The following PWWP3A variants were observed in gnomAD, a reference collection of about 807,000 sequenced individuals.
The protein encoded by PWWP3A is PWWP domain-containing DNA repair factor 3A.
Under a neutral mutation model 79.0 loss-of-function variants are expected in PWWP3A, and 53 were observed. That is an observed-to-expected ratio of 0.67 (90% CI 0.54 to 0.84). The LOEUF is 0.84. Among genes scored for constraint, PWWP3A ranks in the 40% least tolerant of loss-of-function variants. PWWP3A has a pLI of 0.00. For missense variants in PWWP3A, 973 were observed against 948.0 expected (o/e 1.03, Z -0.35); for synonymous variants, 443 against 394.4 (o/e 1.12, Z -1.46).
At chr19:1,376,283 G>T (rs1301396428) in intron 13 of PWWP3A, among the ~76,000 whole-genome samples, 1 of 135,250 alleles carries the variant, frequency 7.4e-6, no homozygotes, top group Non-Finnish European at 1.6e-5. Context: ...GCGCCACCAC[G>T]CCCGGCTGTT....
intron 1 of PWWP3A, among the ~76,000 whole-genome samples, chr19:1,355,521 G>T (rs1428053361): frequency 4.0e-5 from 4 of 99,696 alleles, no homozygotes; most frequent in African/African-American, 1.7e-4. Flanking sequence ...CTGCCACCTG[G>T]ACCCTCCGCT....
rs547881726 is a variant in PWWP3A, at chr19:1,359,939, C to T, written c.215-197C>T. The T allele has an allele frequency of 1.8e-5, 9 of 512,524 alleles. No individual in the cohort carries two copies. The South Asian group carries it at 2.3e-4, about 13-fold the overall frequency. The allele number at this position is 512,524 out of a possible 1,614,324, so 31.7% of individuals were successfully genotyped here. A position where few individuals can be genotyped will look rare whatever the true frequency, so the allele number is the denominator to read the frequency against. On this transcript the variant is annotated intron_variant, in intron 4 of 13. Coordinates refer to ENST00000591337, the MANE Select transcript of PWWP3A (RefSeq NM_001369789.1). ...TTTAAAAAAATGAAGCCTCGAATCCCGGAATGAATAGCTGTCGTTCTGTAG... is the reference window on the plus strand; with the variant it reads ...TTTAAAAAAATGAAGCCTCGAATCCTGGAATGAATAGCTGTCGTTCTGTAG...
intron 2 of PWWP3A, 36 bp from the exon 3 acceptor site, chr19:1,356,973 T>C: frequency 6.4e-7 from 1 of 1,565,262 alleles, no homozygotes; most frequent in Non-Finnish European, 8.8e-7. Flanking sequence ...TGTCAGCTGT[T>C]GTAATAACAA....
intron 6 of PWWP3A, chr19:1,364,128 G>A (rs781077822): frequency 3.8e-6 from 2 of 524,424 alleles, no homozygotes; most frequent in Non-Finnish European, 7.6e-6. Flanking sequence ...CCTCACCTCT[G>A]TTTTGTGCCA....
At chr19:1,367,364 T>C (rs2144737335) in intron 9 of PWWP3A, 144 bp downstream of exon 9, 3 of 698,224 alleles carry the variant, frequency 4.3e-6, no homozygotes, top group East Asian at 5.4e-5. Flanking sequence ...GGCTGCGCTC[T>C]GGCCGTTAGA....
chr19:1,355,453 C>A (rs1453653142), intron 1 of PWWP3A, among the ~76,000 whole-genome samples: 20 of 128,572 alleles, frequency 1.6e-4, no homozygotes, highest in African/African-American at 5.8e-4. Flanking sequence ...CCATCTCTTG[C>A]CTGGACCCCC....
intron 13 of PWWP3A, among the ~76,000 whole-genome samples, chr19:1,376,311 G>GTTTTT (rs371207367): frequency 1.4e-5 from 1 of 69,886 alleles, no homozygotes; most frequent in African/African-American, 6.6e-5. Context: ...TTTTTTGTTT[G>GTTTTT]TTTTTTTTTT....
Position 1,360,079 on chromosome 19 carries a change from G to T in PWWP3A, c.215-57G>T. 6.7e-7 allele frequency: 1 copy of T among 1,481,912 alleles called. No individual in the cohort carries two copies. The highest frequency in any genetic ancestry group is 1.4e-5 in the South Asian group (1 of 71,472). 91.8% of individuals were successfully genotyped at this position (1,481,912 alleles called of 1,614,324 possible). On this transcript the variant is annotated intron_variant, in intron 4 of 13. Transcript: ENST00000591337. This position sits in a 1 kb window ranked among gnomAD's most constrained non-coding sequence, Gnocchi z 4.4. ...AAGCGAGCTTCTAAAGCGATGCCGT[G>T]ACCGCAGTGCCTGTGCAGTGAACGT...
At chr19:1,371,655 G>A (rs1385809905) in intron 12 of PWWP3A, among the ~76,000 whole-genome samples, 1 of 151,964 alleles carries the variant, frequency 6.6e-6, no homozygotes, top group Non-Finnish European at 1.5e-5. Context: ...GGGCATATGT[G>A]TACATCTGTG....
rs756924765 is a variant in PWWP3A, at chr19:1,362,319, A to G, written c.1181A>G (p.Asp394Gly). The G allele has an allele frequency of 1.2e-6, 2 of 1,614,048 alleles. No individual in the cohort carries two copies. Among genetic ancestry groups the G allele is most frequent in the Non-Finnish European group, 8.5e-7 (1 of 1,179,962 alleles). The change falls in exon 6 of 14, where the codon GAC becomes GGC. Residue 394 changes from aspartate (D) to glycine (G), a missense_variant. Physicochemically the swap from Asp to Gly is moderately conservative, Grantham distance 94 (BLOSUM62 -1). Coordinates refer to ENST00000591337, the MANE Select transcript of PWWP3A (RefSeq NM_001369789.1). Reference sequence around the variant, plus strand: ...TCTATCCTGGAGGAAGACGAGGAAGACGAGGAGCCACCAAGAGTCCTTTTA... The same window carrying G: ...TCTATCCTGGAGGAAGACGAGGAAGGCGAGGAGCCACCAAGAGTCCTTTTA... ...MRSILEEDEEDEEPPRVLLYH... is the reference protein window; with the variant it reads ...MRSILEEDEEGEEPPRVLLYH...
chr19:1,360,021 A>C lies in PWWP3A; in HGVS notation c.215-115A>C. On this transcript the variant is annotated intron_variant, in intron 4 of 13. Transcript: ENST00000591337. The surrounding 1 kb of genome is among the most constrained non-coding windows in gnomAD (Gnocchi z 4.4). ...GAAATGTTAGTCCTCCCCTTCAGTG[A>C]TTTAGGTATGAAACTAGCCGTCAGA... The C allele has an allele frequency of 9.5e-7, 1 of 1,057,824 alleles. No homozygotes were observed. 65.5% of individuals were successfully genotyped at this position (1,057,824 alleles called of 1,614,324 possible). A position where few individuals can be genotyped will look rare whatever the true frequency, so the allele number is the denominator to read the frequency against.
Position 1,378,107 on chromosome 19 carries a change from G to C in PWWP3A, c.*1531G>C, listed in dbSNP as rs1201997251. 3 of 152,264 alleles carry C rather than the reference G, an allele frequency of 2.0e-5. No individual in the cohort carries two copies. 9.4% of individuals were successfully genotyped at this position (152,264 alleles called of 1,614,324 possible). ...GGGTCTGTCTTGTCTGGAGCAGTGG[G>C]GCACACCCCGGAGGAGGCGGGGGTC... On this transcript the variant is annotated 3_prime_UTR_variant, in exon 14 of 14. Coordinates refer to ENST00000591337, the MANE Select transcript of PWWP3A (RefSeq NM_001369789.1).
intron 1 of PWWP3A, among the ~76,000 whole-genome samples, chr19:1,355,524 C>T (rs902242890): frequency 1.5e-5 from 2 of 133,762 alleles, no homozygotes; most frequent in Non-Finnish European, 3.2e-5. Flanking sequence ...CCACCTGGAC[C>T]CTCCGCTCCA....
chr19:1,371,974 T>G (rs1018696900), intron 12 of PWWP3A: 4 of 153,818 alleles, frequency 2.6e-5, no homozygotes, highest in African/African-American at 4.8e-5. Flanking sequence ...CCGGCTAATT[T>G]TTTGTATTTT....
Position 1,357,054 on chromosome 19 carries a change from G to A in PWWP3A, c.103G>A (p.Glu35Lys), listed in dbSNP as rs1430681913. The A allele has an allele frequency of 6.2e-7, 1 of 1,613,362 alleles. No homozygotes were observed. The highest frequency in any genetic ancestry group is 8.5e-7 in the Non-Finnish European group (1 of 1,179,826). Reference protein sequence around the residue: ...ATSTKNKRRKEYFLAVQILSL... With the variant: ...ATSTKNKRRKKYFLAVQILSL... ...TTCAACAAAAAATAAGAGAAGAAAG[G>A]AATATTTTCTAGCTGTGCAAATCCT... The change falls in exon 3 of 14, where the codon GAA becomes AAA. Residue 35 changes from glutamate to lysine, a missense_variant. Coordinates refer to ENST00000591337, the MANE Select transcript of PWWP3A (RefSeq NM_001369789.1).
At chr19:1,366,762 G>A (rs752890092) in intron 8 of PWWP3A, among the ~76,000 whole-genome samples, 1 of 152,258 alleles carries the variant, frequency 6.6e-6, no homozygotes, top group Non-Finnish European at 1.5e-5. Flanking sequence ...TTACCTGGTC[G>A]TTCCTTAGTC....
chr19:1,369,610 G>T lies in PWWP3A; in HGVS notation c.1513G>T (p.Ala505Ser). The T allele has an allele frequency of 6.2e-7, 1 of 1,614,214 alleles. No homozygotes were observed. Among genetic ancestry groups the T allele is most frequent in the Non-Finnish European group, 8.5e-7 (1 of 1,180,032 alleles). ...YRVRLGCGSF[A>S]GSFLEYYAAD... is the part of the protein sequence containing the mutation. The stretch of plus-strand genomic sequence containing the variant: ...ACCCCCTGCAGGCTGCGGGTCTTTT[G>T]CTGGCTCTTTCCTGGAATATTACGC... The change falls in exon 11 of 14, where the codon GCT becomes TCT. Residue 505 changes from alanine (A) to serine (S), a missense_variant. Transcript: ENST00000591337. This position sits in a 1 kb window ranked among gnomAD's most constrained non-coding sequence, Gnocchi z 4.0.
In PWWP3A at chr19:1,367,213, C is replaced by T. The variant is rs145648400; in HGVS notation, c.1415C>T (p.Thr472Met). ...CACTTTGATTGTAAAGAGAAACAGA[C>T]GCTTCTGGTAGGTGGATGATGTTTT... ...LKHFDCKEKQTLLNQAREDFN... is the reference protein window; with the variant it reads ...LKHFDCKEKQMLLNQAREDFN... The change falls in exon 9 of 14, where the codon ACG becomes ATG. Residue 472 changes from threonine to methionine, a missense_variant. Thr to Met is a moderately conservative substitution (Grantham distance 81). Coordinates refer to ENST00000591337, the MANE Select transcript of PWWP3A (RefSeq NM_001369789.1). The T allele has an allele frequency of 6.1e-5, 99 of 1,612,548 alleles. No individual in the cohort carries two copies. In the East Asian group the frequency reaches 1.6e-3, roughly 26 times the overall value.
rs557337459 is a variant in PWWP3A at position 1,369,777 on chromosome 19, C to T, written c.1549+131C>T. On this transcript the variant is annotated intron_variant, in intron 11 of 13. Transcript: ENST00000591337. The surrounding 1 kb of genome is among the most constrained non-coding windows in gnomAD (Gnocchi z 4.0). ...CTGTCCGCAGCCACACAGCATTGTT[C>T]AACCTCTATGAGGTTTTGATGTGAC... The T allele has an allele frequency of 4.7e-6, 5 of 1,052,738 alleles. No homozygotes were observed. The highest frequency in any genetic ancestry group is 7.4e-6 in the Non-Finnish European group (5 of 677,738). 65.2% of individuals were successfully genotyped at this position (1,052,738 alleles called of 1,614,324 possible).
Sources: allele counts gnomAD v4.1 joint callset (sites outside exome capture counted in the v4.1 genomes callset), GRCh38; gene constraint gnomAD v4.1.1; non-coding constraint Gnocchi (gnomAD v3.1); transcripts MANE v1.5; gene names NCBI Gene and HGNC (gene_info 2026-07-23, HGNC 2026-07-21).